The following MLXIPL variants were observed in gnomAD, a reference collection of about 807,000 sequenced individuals.
The protein encoded by MLXIPL is carbohydrate-responsive element-binding protein.
Under a neutral mutation model 81.5 loss-of-function variants are expected in MLXIPL, and 49 were observed. The ratio of observed to expected loss-of-function variants is 0.60; its 90% CI spans 0.48 to 0.76. MLXIPL has a LOEUF of 0.76. Ranked by LOEUF, MLXIPL falls within the 30% of genes least tolerant of loss-of-function variation. MLXIPL has a pLI of 0.00. For synonymous variants in MLXIPL, 466 were observed against 485.5 expected (o/e 0.96, Z 0.53); for missense variants, 1,053 against 1,167.0 (o/e 0.90, Z 1.42).
At position 73,624,144 on chromosome 7, in the gene MLXIPL, C is replaced by T. The variant is rs1473078287; in HGVS notation, c.293+56G>A. 2.5e-5 allele frequency: 34 copies of T among 1,361,410 alleles called. 1 individual carries two copies. The African/African-American group carries it at 3.5e-4, about 14-fold the overall frequency. 84.3% of individuals were successfully genotyped at this position (1,361,410 alleles called of 1,614,324 possible). A position where few individuals can be genotyped will look rare whatever the true frequency, so the allele number is the denominator to read the frequency against. ...CCCAGCGCGCAGTCCTGCCCCGGAC[C>T]CCCCCCCCATCCCCACCTGGAAGCC... On this transcript the variant is annotated intron_variant, in intron 1 of 16. Transcript: ENST00000313375.
At chr7:73,609,393 C>G (rs996737872) in intron 2 of MLXIPL, 1 of 151,980 alleles carries the variant, frequency 6.6e-6, no homozygotes, top group Non-Finnish European at 1.5e-5. Flanking sequence ...TACAGGCACG[C>G]GTTACCACGC....
At chr7:73,630,910 G>A in the MLXIPL span, among the ~76,000 whole-genome samples, 3 of 152,296 alleles carry the variant, frequency 2.0e-5, no homozygotes, top group Non-Finnish European at 4.4e-5. Context: ...AAGACTATTC[G>A]TGGCAGCACT....
Position 73,624,212 on chromosome 7 carries a change from C to A in MLXIPL, c.281G>T (p.Ser94Ile). 1.3e-6 allele frequency: 2 copies of A among 1,587,792 alleles called. No homozygotes were observed. The highest frequency in any genetic ancestry group is 1.7e-6 in the Non-Finnish European group (2 of 1,168,172). The change falls in exon 1 of 17, where the codon AGC becomes ATC. Residue 94 changes from serine (S) to isoleucine (I), a missense_variant. By Grantham distance (142) the Ser-to-Ile change is moderately radical (BLOSUM62 -2). Coordinates refer to ENST00000313375, the MANE Select transcript of MLXIPL (RefSeq NM_032951.3). ...PTLTRLFECL[S>I]LAYSGKLVSP... The stretch of plus-strand genomic sequence containing the variant: ...GAACCGCCCTCACCTGTAGGCCAGG[C>A]TCAAGCACTCGAAGAGGCGTGTGAG...
In MLXIPL at chr7:73,594,298, A is replaced by T; in HGVS notation, c.2416T>A (p.Cys806Ser). The T allele has an allele frequency of 6.2e-7, 1 of 1,612,312 alleles. No homozygotes were observed. The stretch of plus-strand genomic sequence containing the variant: ...CTTGGCCGGAGAGCGGGCAGAGAGC[A>T]GTACTGGTCCAGCCAGGCCAGTGAG... ...QTSLAWLDQYCSLPALRPTVL... is the reference protein window; with the variant it reads ...QTSLAWLDQYSSLPALRPTVL... Residue 806 changes from cysteine to serine, a missense_variant, in exon 16 of 17, where the codon TGC (cysteine) becomes AGC (serine). Transcript: ENST00000313375.
chr7:73,618,337 T>G (rs1301883869), intron 1 of MLXIPL, among the ~76,000 whole-genome samples: 1 of 152,174 alleles, frequency 6.6e-6, no homozygotes, highest in East Asian at 1.9e-4. Flanking sequence ...CCTCAAGTGA[T>G]CCACCCACCT....
intron 2 of MLXIPL, chr7:73,609,473 T>G (rs1475049830): frequency 5.9e-5 from 9 of 152,144 alleles, no homozygotes; most frequent in African/African-American, 2.2e-4. Context: ...CTCAAACTCC[T>G]GACCTCAAAT....
intron 7 of MLXIPL, among the ~76,000 whole-genome samples, chr7:73,604,827 C>T (rs782299819): frequency 3.3e-5 from 5 of 151,962 alleles, no homozygotes; most frequent in Non-Finnish European, 5.9e-5. Flanking sequence ...TGCAGTGGCG[C>T]GATCTCGGCT....
chr7:73,638,877 C>G, the MLXIPL span, among the ~76,000 whole-genome samples: 3 of 152,022 alleles, frequency 2.0e-5, no homozygotes, highest in Non-Finnish European at 4.4e-5. Flanking sequence ...CCCACCTCGG[C>G]CTTCTGGGAT....
chr7:73,594,509 C>CT (rs1794111996), intron 15 of MLXIPL, 106 bp from the exon 16 acceptor site: 4 of 1,414,374 alleles, frequency 2.8e-6, no homozygotes, highest in Admixed American at 1.8e-5. Context: ...TGGACACTGT[C>CT]TAACGTTGAA....
chr7:73,622,188 T>C (rs72649054), intron 1 of MLXIPL, among the ~76,000 whole-genome samples: 185 of 151,860 alleles, frequency 1.2e-3, no homozygotes, highest in Non-Finnish European at 6.2e-4. Flanking sequence ...CACACCTGGC[T>C]GATTAAAGAA....
At chr7:73,633,837 C>T in the MLXIPL span, among the ~76,000 whole-genome samples, 1 of 152,130 alleles carries the variant, frequency 6.6e-6, no homozygotes, top group African/African-American at 2.4e-5. Flanking sequence ...TCACTGACCC[C>T]TCAGCTCCTC....
In MLXIPL at chr7:73,613,168, C is replaced by T. The variant is rs1235987529; in HGVS notation, c.400+2903G>A. On this transcript the variant is annotated intron_variant, in intron 2 of 16. Transcript: ENST00000313375. ...AGTAAGCCCTTCTCCTCCCCACTCC[C>T]GTGAAGCCCACCTTCAAACCTTTGG... Among the ~76,000 whole-genome samples the T allele has an allele frequency of 2.6e-5, 4 of 152,150 alleles. No homozygotes were observed. In the South Asian group the frequency reaches 6.2e-4, roughly 24 times the overall value.
chr7:73,624,283 C>G lies in MLXIPL; in HGVS notation c.210G>C (p.Gly70=), dbSNP rs782141700. The change falls in exon 1 of 17, where the codon GGG becomes GGC. Residue 70 remains glycine, a synonymous_variant. Transcript: ENST00000313375. ...GCCCGAAGTCGGAGGGCCCCACGGA[C>G]CCCTCCTGGTCGCGCCGCCGGGGCA... ...DSLPRRRDQE[G]SVGPSDFGPR... The G allele has an allele frequency of 2.6e-5, 41 of 1,588,408 alleles. No individual in the cohort carries two copies. The highest frequency in any genetic ancestry group is 3.4e-5 in the Non-Finnish European group (40 of 1,169,146).
chr7:73,606,804 AAGAAG>A (rs1416951609), intron 5 of MLXIPL, 165 bp downstream of exon 5: 1 of 755,014 alleles, frequency 1.3e-6, no homozygotes, highest in Non-Finnish European at 2.2e-6. Flanking sequence ...CTCACCCCCC[AAGAAG>A]AGAAGAGCTC....
Position 73,596,551 on chromosome 7 carries a change from C to T in MLXIPL, c.1823-72G>A. On this transcript the variant is annotated intron_variant, in intron 11 of 16. Coordinates refer to ENST00000313375, the MANE Select transcript of MLXIPL (RefSeq NM_032951.3). The surrounding 1 kb of genome is among the most constrained non-coding windows in gnomAD (Gnocchi z 4.7). ...AGGGTCCCCATTGCCCCCTTCCTCTCATCTGGCCCCAGACCCAGTCCCCTT... is the reference window on the plus strand; with the variant it reads ...AGGGTCCCCATTGCCCCCTTCCTCTTATCTGGCCCCAGACCCAGTCCCCTT... The T allele has an allele frequency of 6.2e-7, 1 of 1,602,040 alleles. No homozygotes were observed. Among genetic ancestry groups the T allele is most frequent in the Middle Eastern group, 1.7e-4 (1 of 5,916 alleles).
intron 1 of MLXIPL, among the ~76,000 whole-genome samples, chr7:73,618,944 A>C (rs1414987050): frequency 2.0e-5 from 3 of 152,220 alleles, no homozygotes; most frequent in African/African-American, 7.2e-5. Context: ...GACAGTGACA[A>C]TATCCAAGCC....
intron 3 of MLXIPL, 21 bp from the exon 4 acceptor site, chr7:73,607,441 G>C: frequency 6.5e-7 from 1 of 1,547,328 alleles, no homozygotes; most frequent in Non-Finnish European, 8.7e-7. Flanking sequence ...GGCCGGGGGA[G>C]GGGGATCAGT....
At chr7:73,624,622 G>A, upstream of MLXIPL, 1 of 1,377,788 alleles carries the variant, frequency 7.3e-7, no homozygotes, top group East Asian at 2.9e-5. Flanking sequence ...GGCCTGGGAC[G>A]GGGCGGGGCT....
Position 73,624,331 on chromosome 7 carries a change from C to T in MLXIPL, c.162G>A (p.Val54=). 1.9e-6 allele frequency: 3 copies of T among 1,588,668 alleles called. No homozygotes were observed. The highest frequency in any genetic ancestry group is 2.6e-6 in the Non-Finnish European group (3 of 1,170,098). ...GCAGCGAGTCGCTGTGCGGCGACGA[C>T]ACCATGAAGTGACCGCTGTGGATGA... ...SQVIHSGHFM[V]SSPHSDSLPR... is the part of the protein sequence containing the mutation. Residue 54 remains valine (V), a synonymous_variant, in exon 1 of 17, where the codon GTG becomes GTA. Coordinates refer to ENST00000313375, the MANE Select transcript of MLXIPL (RefSeq NM_032951.3).
Sources: allele counts gnomAD v4.1 joint callset (sites outside exome capture counted in the v4.1 genomes callset), GRCh38; gene constraint gnomAD v4.1.1; non-coding constraint Gnocchi (gnomAD v3.1); transcripts MANE v1.5; gene names NCBI Gene and HGNC (gene_info 2026-07-23, HGNC 2026-07-21).